Variants in SPPL3 observed in about 807,000 individuals in gnomAD.
The protein encoded by SPPL3 is signal peptide peptidase like 3.
A neutral mutation model predicts 42.4 loss-of-function variants in SPPL3; 5 were observed. The ratio of observed to expected loss-of-function variants is 0.12; its 90% CI spans 0.06 to 0.25. The LOEUF (loss-of-function observed/expected upper bound fraction) is 0.25, where lower values mean the gene tolerates loss of function less well. SPPL3 is among the 10% of genes least tolerant of loss of function. The pLI, the probability that SPPL3 is intolerant of heterozygous loss-of-function variation, is 1.00. For synonymous variants in SPPL3, 195 were observed against 181.8 expected (o/e 1.07, Z -0.58); for missense variants, 235 against 489.0 (o/e 0.48, Z 4.90).
chr12:120,882,959 A>G (rs1330199025), intron 1 of SPPL3, among the ~76,000 whole-genome samples: 1 of 151,982 alleles, frequency 6.6e-6, no homozygotes, highest in East Asian at 1.9e-4. Context: ...TTATCAACAT[A>G]TAGTTCTGGG....
At chr12:120,856,206 C>T (rs1338784774) in intron 1 of SPPL3, among the ~76,000 whole-genome samples, 1 of 151,922 alleles carries the variant, frequency 6.6e-6, no homozygotes, top group Non-Finnish European at 1.5e-5. Context: ...AATGCAGATT[C>T]CAGTCCCCTT....
chr12:120,844,673 T>C (rs1289657575), intron 1 of SPPL3, among the ~76,000 whole-genome samples: 4 of 152,142 alleles, frequency 2.6e-5, no homozygotes, highest in Admixed American at 2.6e-4. Flanking sequence ...GTGCTTCCTA[T>C]GATCTTTTTA....
At chr12:120,769,147 T>C in intron 6 of SPPL3, 88 bp from the exon 7 acceptor site, 1 of 1,056,486 alleles carries the variant, frequency 9.5e-7, no homozygotes, top group Non-Finnish European at 1.4e-6. Context: ...TTCACAGAGT[T>C]TGCAATTCCC....
intron 1 of SPPL3, among the ~76,000 whole-genome samples, chr12:120,875,909 A>G (rs548424888): frequency 1.3e-5 from 2 of 152,160 alleles, no homozygotes; most frequent in Non-Finnish European, 2.9e-5. Flanking sequence ...TACATACACC[A>G]TACAGGCACT....
At chr12:120,892,395 G>A (rs1873667500) in intron 1 of SPPL3, among the ~76,000 whole-genome samples, 1 of 152,088 alleles carries the variant, frequency 6.6e-6, no homozygotes, top group African/African-American at 2.4e-5. Context: ...TTTCTCCTGC[G>A]CCAATCAGAA....
At chr12:120,882,278 A>C (rs901487440) in intron 1 of SPPL3, among the ~76,000 whole-genome samples, 1 of 152,094 alleles carries the variant, frequency 6.6e-6, no homozygotes, top group African/African-American at 2.4e-5. Flanking sequence ...TGGGATGTGG[A>C]TAAGAGGGGA....
chr12:120,888,113 T>C (rs1318271132), intron 1 of SPPL3, among the ~76,000 whole-genome samples: 2 of 152,334 alleles, frequency 1.3e-5, no homozygotes, highest in East Asian at 3.9e-4. Flanking sequence ...TCTTGCTCTG[T>C]TGCCCAGGCT....
chr12:120,864,725 C>T (rs2137045005), intron 1 of SPPL3, among the ~76,000 whole-genome samples: 1 of 152,308 alleles, frequency 6.6e-6, no homozygotes, highest in South Asian at 2.1e-4. Flanking sequence ...GCATGTAACT[C>T]AACCCTACAG....
At chr12:120,903,553 A>C (rs1593020148) in intron 1 of SPPL3, 4 of 390,284 alleles carry the variant, frequency 1.0e-5, no homozygotes, top group South Asian at 3.7e-5. Flanking sequence ...TGGGATTCCC[A>C]CCCCCGGGGT....
chr12:120,846,137 AT>A (rs921032162), intron 1 of SPPL3, among the ~76,000 whole-genome samples: 6 of 151,698 alleles, frequency 4.0e-5, no homozygotes, highest in Non-Finnish European at 7.4e-5. Flanking sequence ...CATTACTGAT[AT>A]TTTTTTTAGG....
chr12:120,807,645 G>C (rs1289998202), intron 2 of SPPL3, among the ~76,000 whole-genome samples: 1 of 146,566 alleles, frequency 6.8e-6, no homozygotes, highest in Non-Finnish European at 1.5e-5. Context: ...CTGCACTCCA[G>C]CCTGGGCAAC....
Position 120,764,635 on chromosome 12 carries a change from T to C in SPPL3, c.*364A>G, listed in dbSNP as rs1028709705. ...TTGCTAATTTTTTTCATCCTTTTAG[T>C]GTTCAAAAGTTCTAGAAAGACTCCT... On this transcript the variant is annotated 3_prime_UTR_variant, in exon 11 of 11. Transcript: ENST00000353487. 11 of 383,086 alleles carry C rather than the reference T, an allele frequency of 2.9e-5. No homozygotes were observed. In the Admixed American group the frequency reaches 4.5e-4, roughly 16 times the overall value. 23.7% of individuals were successfully genotyped at this position (383,086 alleles called of 1,614,324 possible).
chr12:120,807,545 A>G (rs1870539470), intron 2 of SPPL3, among the ~76,000 whole-genome samples: 1 of 151,928 alleles, frequency 6.6e-6, no homozygotes, highest in Non-Finnish European at 1.5e-5. Context: ...ATGGTGGCAT[A>G]TGCCTGTAAT....
intron 6 of SPPL3, among the ~76,000 whole-genome samples, chr12:120,778,275 C>A (rs1869405572): frequency 6.6e-6 from 1 of 151,836 alleles, no homozygotes; most frequent in African/African-American, 2.4e-5. Flanking sequence ...CACCACCACA[C>A]CTGGCTAATT....
intron 1 of SPPL3, among the ~76,000 whole-genome samples, chr12:120,852,764 G>A (rs1308340130): frequency 1.5e-5 from 1 of 68,200 alleles, no homozygotes; most frequent in Non-Finnish European, 2.8e-5. Context: ...TTATATCTAT[G>A]TATATTATAT....
At chr12:120,789,707 C>A (rs1324202178) in intron 3 of SPPL3, among the ~76,000 whole-genome samples, 1 of 151,152 alleles carries the variant, frequency 6.6e-6, no homozygotes, top group Non-Finnish European at 1.5e-5. Flanking sequence ...CGCCTGTAAT[C>A]CCAGCTACCC....
At chr12:120,895,717 T>C (rs948695703) in intron 1 of SPPL3, among the ~76,000 whole-genome samples, 1 of 149,670 alleles carries the variant, frequency 6.7e-6, no homozygotes, top group African/African-American at 2.4e-5. Flanking sequence ...TTGCAATGCA[T>C]GAAGCATTTT....
intron 2 of SPPL3, among the ~76,000 whole-genome samples, chr12:120,807,185 A>G (rs562673763): frequency 3.3e-5 from 5 of 152,268 alleles, no homozygotes; most frequent in Admixed American, 6.5e-5. Flanking sequence ...CAACATCCCA[A>G]TATCAGGGAA....
intron 1 of SPPL3, among the ~76,000 whole-genome samples, chr12:120,868,474 TTG>T (rs374101032): frequency 9.0e-5 from 12 of 133,988 alleles, no homozygotes; most frequent in East Asian, 4.5e-4. Flanking sequence ...TTCTTTTTTT[TTG>T]TTTTTGTTTT....
Sources: gnomAD v4.1 joint callset for allele counts (sites outside exome capture counted in the v4.1 genomes callset) on GRCh38, gnomAD v4.1.1 for gene constraint, MANE v1.5 for transcripts, NCBI Gene and HGNC (gene_info 2026-07-23, HGNC 2026-07-21) for gene names.